DGKK: variants seen among roughly 807,000 people sequenced by gnomAD.
DGKK encodes the protein 142 kDa diacylglycerol kinase.
In DGKK, 35 loss-of-function variants were observed where a neutral mutation model predicts 92.2. That is an observed-to-expected ratio of 0.38 (90% confidence interval 0.29 to 0.50). The LOEUF (loss-of-function observed/expected upper bound fraction) is 0.50. Among genes scored for constraint, DGKK ranks in the 20% least tolerant of loss-of-function variants. The probability of loss-of-function intolerance (pLI) is 0.92; values close to 1 mark genes in which losing one functional copy is unlikely to be tolerated. For synonymous variants in DGKK, 368 were observed against 360.6 expected, an observed-to-expected ratio of 1.02 and a Z score of -0.23; for missense variants, 910 against 992.2, an observed-to-expected ratio of 0.92 and a Z score of 1.11.
intron 4 of DGKK, among the ~76,000 whole-genome samples, chrX:50,410,046 G>A (rs1403189302): frequency 8.9e-6 from 1 of 112,060 alleles, no homozygotes; most frequent in African/African-American, 3.2e-5. Context: ...CACCTAGTCT[G>A]TGGAATTTTT....
intron 1 of DGKK, among the ~76,000 whole-genome samples, chrX:50,433,990 C>T (rs1925955648): frequency 9.0e-6 from 1 of 111,269 alleles, no homozygotes; most frequent in Non-Finnish European, 1.9e-5. Context: ...CAATTGCCTT[C>T]TTTTCCATTC....
chrX:50,409,511 G>T (rs1925255637), intron 4 of DGKK, among the ~76,000 whole-genome samples: 1 of 111,933 alleles, frequency 8.9e-6, no homozygotes, highest in Admixed American at 9.4e-5. Flanking sequence ...CTTCTTACTT[G>T]TTGACACAGA....
At chrX:50,410,201 G>C (rs1925270012) in intron 4 of DGKK, among the ~76,000 whole-genome samples, 1 of 111,906 alleles carries the variant, frequency 8.9e-6, no homozygotes, top group African/African-American at 3.3e-5. Context: ...TGCCAAGAAA[G>C]CCTAGATTGT....
chrX:50,376,624 C>T (rs977462609), intron 23 of DGKK, 134 bp downstream of exon 23: 12 of 563,348 alleles, frequency 2.1e-5, no homozygotes, highest in Non-Finnish European at 2.9e-5. Flanking sequence ...GTGAGGGTCC[C>T]GCTCAATTTT....
chrX:50,399,794 T>A (rs781898694), intron 8 of DGKK, among the ~76,000 whole-genome samples: 2 of 111,817 alleles, frequency 1.8e-5, no homozygotes, highest in Non-Finnish European at 3.8e-5. Flanking sequence ...TCTTGACAGT[T>A]CCCACTCTTT....
At chrX:50,460,994 T>C (rs1926729828) in intron 1 of DGKK, among the ~76,000 whole-genome samples, 1 of 110,935 alleles carries the variant, frequency 9.0e-6, no homozygotes, top group Admixed American at 9.6e-5. Context: ...GGTTTTGTTC[T>C]GGATCTCCTT....
At chrX:50,409,111 T>A (rs150484987) in intron 4 of DGKK, among the ~76,000 whole-genome samples, 11 of 111,255 alleles carry the variant, frequency 9.9e-5, no homozygotes, top group African/African-American at 3.3e-4. Flanking sequence ...TATATTATGG[T>A]GGGCCTCAAT....
At chrX:50,390,499 G>T in intron 11 of DGKK, 90 bp from the exon 12 acceptor site, 1 of 822,679 alleles carries the variant, frequency 1.2e-6, no homozygotes, top group Non-Finnish European at 1.8e-6. Flanking sequence ...AAGTAAAAAT[G>T]TTTATGTGGT....
At chrX:50,384,680 C>T (rs368697254) in intron 16 of DGKK, 40 bp downstream of exon 16, 16 of 1,130,275 alleles carry the variant, frequency 1.4e-5, no homozygotes, top group East Asian at 1.2e-4. Flanking sequence ...ACAACAGTGA[C>T]GAAGGCTAGA....
intron 27 of DGKK, 142 bp from the exon 28 acceptor site, chrX:50,369,161 C>T (rs1924048862): frequency 4.8e-6 from 2 of 416,642 alleles, no homozygotes; most frequent in African/African-American, 2.5e-5. Context: ...TCTGAATCAT[C>T]AGGGAAAACC....
At chrX:50,437,632 GAA>G (rs1489042088) in intron 1 of DGKK, among the ~76,000 whole-genome samples, 2 of 111,250 alleles carry the variant, frequency 1.8e-5, no homozygotes, top group East Asian at 5.7e-4. Context: ...CAATAAGAGA[GAA>G]AGAGAGAGGG....
chrX:50,371,826 A>C lies in DGKK; in HGVS notation c.3510T>G (p.Ser1170Arg). The part of the protein sequence containing the change: ...TAFLDEKLLR[S>R]AEDETALQSA... Reference sequence around the variant, plus strand: ...TTTGTAGTGCAGTCTCATCCTCAGCACTTCTCAGCTGGTACAGACAGGAAA... The same window carrying C: ...TTTGTAGTGCAGTCTCATCCTCAGCCCTTCTCAGCTGGTACAGACAGGAAA... Residue 1170 changes from serine (S) to arginine (R), a missense_variant, in exon 26 of 28, where the codon AGT becomes AGG. Ser to Arg is a moderately radical substitution (Grantham distance 110). Coordinates refer to ENST00000611977, the MANE Select transcript of DGKK (RefSeq NM_001013742.4). 8.4e-7 allele frequency: 1 copy of C among 1,186,215 alleles called. No individual in the cohort carries two copies. Among genetic ancestry groups the C allele is most frequent in the Non-Finnish European group, 1.1e-6 (1 of 874,809 alleles).
At chrX:50,383,817 T>C (rs972405742) in intron 17 of DGKK, among the ~76,000 whole-genome samples, 25 of 112,037 alleles carry the variant, frequency 2.2e-4, no homozygotes, top group African/African-American at 8.1e-4. Flanking sequence ...AGGGCAACAG[T>C]GAAAAAAAGC....
At chrX:50,380,544 A>T (rs1331786876) in intron 18 of DGKK, among the ~76,000 whole-genome samples, 1 of 111,294 alleles carries the variant, frequency 9.0e-6, no homozygotes, top group African/African-American at 3.3e-5. Flanking sequence ...ACTTTTCCAA[A>T]CACCAGATCC....
chrX:50,404,445 C>CTTT (rs781970634), intron 4 of DGKK, among the ~76,000 whole-genome samples: 4 of 90,911 alleles, frequency 4.4e-5, no homozygotes, highest in Admixed American at 1.2e-4. Flanking sequence ...GAGTAATTAT[C>CTTT]TTTTTTTTTT....
At chrX:50,465,469 C>T (rs1926877089) in intron 1 of DGKK, among the ~76,000 whole-genome samples, 1 of 108,502 alleles carries the variant, frequency 9.2e-6, no homozygotes. Context: ...ATTTTTTTTC[C>T]ACTGAAAGAA....
chrX:50,447,195 AAT>A (rs60131544), intron 1 of DGKK, among the ~76,000 whole-genome samples: 35 of 92,670 alleles, frequency 3.8e-4, no homozygotes, highest in African/African-American at 1.2e-3. Context: ...GTATATATAT[AAT>A]ATATATATAT....
At chrX:50,460,215 G>A (rs183272397) in intron 1 of DGKK, among the ~76,000 whole-genome samples, 7 of 111,768 alleles carry the variant, frequency 6.3e-5, no homozygotes, top group Admixed American at 5.7e-4. Context: ...GACAGCCAAG[G>A]AGCTTAACAA....
chrX:50,463,485 T>A (rs1356958151), intron 1 of DGKK, among the ~76,000 whole-genome samples: 5 of 103,799 alleles, frequency 4.8e-5, no homozygotes, highest in African/African-American at 1.8e-4. Flanking sequence ...CCTCTCTACC[T>A]GTCCGGCTTT....
Sources: gnomAD v4.1 joint callset for allele counts (sites outside exome capture counted in the v4.1 genomes callset) on GRCh38, gnomAD v4.1.1 for gene constraint, MANE v1.5 for transcripts, NCBI Gene and HGNC (gene_info 2026-07-23, HGNC 2026-07-21) for gene names.